GSE1: variants seen among roughly 807,000 people sequenced by gnomAD.
GSE1 encodes the protein genetic suppressor element 1.
In GSE1, 32 loss-of-function variants were observed where a neutral mutation model predicts 112.6. The observed-to-expected ratio is 0.28, with a 90% CI of 0.21 to 0.38. The LOEUF (loss-of-function observed/expected upper bound fraction) is 0.38. GSE1 is among the 10% of genes least tolerant of loss of function. GSE1 has a pLI of 1.00. For missense variants in GSE1, 2,348 were observed against 1,699.2 expected, an observed-to-expected ratio of 1.38 and a Z score of -6.71; for synonymous variants, 1,115 against 735.6, an observed-to-expected ratio of 1.52 and a Z score of -8.35.
Position 85,415,450 on chromosome 16 carries a change from C to T in GSE1, c.2464+57807C>T, listed in dbSNP as rs559062402. On this transcript the variant is annotated intron_variant, in intron 2 of 2. Coordinates refer to the GSE1 transcript ENST00000637419. Reference sequence around the variant, plus strand: ...GCTGAGGGCGTCCTGGGGTTTGCTACGGCAAACTTGCCATCCTAGAGATGC... The same window carrying T: ...GCTGAGGGCGTCCTGGGGTTTGCTATGGCAAACTTGCCATCCTAGAGATGC... Among the ~76,000 whole-genome samples, 39 of 152,334 alleles carry T rather than the reference C, an allele frequency of 2.6e-4. No individual in the cohort carries two copies. The Middle Eastern group carries it at 0.01, about 40-fold the overall frequency.
intron 1 of GSE1, among the ~76,000 whole-genome samples, chr16:85,172,892 C>G (rs1171289795): frequency 2.6e-5 from 4 of 152,218 alleles, no homozygotes; most frequent in Admixed American, 6.5e-5. Flanking sequence ...CCGGGAAGTG[C>G]GCTCTGCCAT....
rs544385146 is a variant in GSE1 at position 85,377,869 on chromosome 16, G to A, written c.2464+20226G>A. Among the ~76,000 whole-genome samples, 45 of 152,316 alleles carry A rather than the reference G, an allele frequency of 3.0e-4. No individual in the cohort carries two copies. The East Asian group carries it at 3.9e-3, about 13-fold the overall frequency. On this transcript the variant is annotated intron_variant, in intron 2 of 2. Coordinates refer to the GSE1 transcript ENST00000637419. ...GGGAGGGCATGGGCCCCCAATCCTCGTCCACACCAGCATCCACCTCCTGGT... is the reference window on the plus strand; with the variant it reads ...GGGAGGGCATGGGCCCCCAATCCTCATCCACACCAGCATCCACCTCCTGGT...
At chr16:85,194,064 C>G (rs1458352855) in intron 1 of GSE1, among the ~76,000 whole-genome samples, 1 of 152,198 alleles carries the variant, frequency 6.6e-6, no homozygotes, top group Admixed American at 6.5e-5. Flanking sequence ...CTTGCCCAGG[C>G]TCATGCGGCC....
intron 2 of GSE1, among the ~76,000 whole-genome samples, chr16:85,517,784 G>A (rs1175660315): frequency 5.3e-5 from 8 of 152,248 alleles, no homozygotes; most frequent in African/African-American, 1.9e-4. Flanking sequence ...CCCCGTGCAC[G>A]GAGCCAGTGT....
chr16:85,498,822 G>C (rs1448348768), intron 2 of GSE1, among the ~76,000 whole-genome samples: 2 of 152,258 alleles, frequency 1.3e-5, no homozygotes, highest in Non-Finnish European at 2.9e-5. Flanking sequence ...TCCAGTTGAA[G>C]GAACAGCTGT....
At chr16:85,251,812 C>T (rs1342524704) in intron 1 of GSE1, among the ~76,000 whole-genome samples, 1 of 152,226 alleles carries the variant, frequency 6.6e-6, no homozygotes. Context: ...GCACCCGGCT[C>T]CTGTCTGCAT....
chr16:85,426,073 G>GGATGGATGGAAGGATGGATGGATGGATA (rs55915425), intron 2 of GSE1, among the ~76,000 whole-genome samples: 6 of 130,950 alleles, frequency 4.6e-5, no homozygotes, highest in African/African-American at 1.5e-4. Context: ...ATGGATGGAT[G>GGATGGATGGAAGGATGGATGGATGGATA]GGTAGATGGA....
intron 1 of GSE1, among the ~76,000 whole-genome samples, chr16:85,272,269 T>C (rs1404267071): frequency 6.6e-6 from 1 of 152,234 alleles, no homozygotes; most frequent in East Asian, 1.9e-4. Flanking sequence ...GCAAGGGCTA[T>C]GCGCGTGGGA....
At chr16:85,620,670 G>A (rs911170296) in intron 1 of GSE1, among the ~76,000 whole-genome samples, 1 of 152,260 alleles carries the variant, frequency 6.6e-6, no homozygotes, top group African/African-American at 2.4e-5. Flanking sequence ...TGGAATGCCT[G>A]GGCTGGCGCC....
At chr16:85,318,816 G>C (rs1293096908) in intron 1 of GSE1, among the ~76,000 whole-genome samples, 1 of 152,204 alleles carries the variant, frequency 6.6e-6, no homozygotes, top group Non-Finnish European at 1.5e-5. Context: ...AGGAGACACA[G>C]GGTCGGGGAG....
At chr16:85,426,681 G>A (rs922351206) in intron 2 of GSE1, among the ~76,000 whole-genome samples, 6 of 133,032 alleles carry the variant, frequency 4.5e-5, no homozygotes, top group Non-Finnish European at 1.0e-4. Flanking sequence ...AAAGAAGAAG[G>A]GAGGATGGGT....
chr16:85,474,789 G>A (rs572895988), intron 2 of GSE1, among the ~76,000 whole-genome samples: 8 of 152,088 alleles, frequency 5.3e-5, no homozygotes, highest in Admixed American at 3.9e-4. Flanking sequence ...CCCCTGGAAG[G>A]GGGAGCCTGG....
At chr16:85,396,169 G>C (rs7200717) in intron 2 of GSE1, among the ~76,000 whole-genome samples, 2 of 152,168 alleles carry the variant, frequency 1.3e-5, no homozygotes, top group Non-Finnish European at 2.9e-5. Flanking sequence ...ACATCAGCAG[G>C]CCCGTCCTTC....
intron 1 of GSE1, among the ~76,000 whole-genome samples, chr16:85,586,447 G>A (rs2046698293): frequency 6.6e-6 from 1 of 152,190 alleles, no homozygotes; most frequent in African/African-American, 2.4e-5. Flanking sequence ...GCCTTCCCAT[G>A]GGCTCAGCCC....
intron 2 of GSE1, among the ~76,000 whole-genome samples, chr16:85,445,307 G>A (rs920718442): frequency 5.3e-5 from 8 of 152,242 alleles, no homozygotes; most frequent in Non-Finnish European, 7.3e-5. Context: ...AGAGGCGAGT[G>A]TGCTGCTACC....
exon 1 of GSE1, chr16:85,169,941 C>G: frequency 1.0e-6 from 1 of 984,598 alleles, no homozygotes; most frequent in Non-Finnish European, 1.2e-6. Context: ...GCGAGTGGAA[C>G]GTCGCCTACG....
At chr16:85,291,206 A>G (rs1280658701) in intron 1 of GSE1, among the ~76,000 whole-genome samples, 1 of 152,222 alleles carries the variant, frequency 6.6e-6, no homozygotes, top group Non-Finnish European at 1.5e-5. Context: ...GCTGGACACC[A>G]GGCTGCAGAT....
chr16:85,478,396 G>C (rs149465644), intron 2 of GSE1, among the ~76,000 whole-genome samples: 6 of 151,886 alleles, frequency 4.0e-5, no homozygotes, highest in Non-Finnish European at 7.4e-5. Flanking sequence ...GTATGGTTGC[G>C]GGCACCTGTA....
intron 1 of GSE1, among the ~76,000 whole-genome samples, chr16:85,262,656 T>C (rs1907825291): frequency 6.6e-6 from 1 of 152,230 alleles, no homozygotes. Flanking sequence ...GATCACAGGG[T>C]TCTGGATTTA....
Sources: gnomAD v4.1 joint callset for allele counts (sites outside exome capture counted in the v4.1 genomes callset) on GRCh38, gnomAD v4.1.1 for gene constraint, MANE v1.5 for transcripts, NCBI Gene and HGNC (gene_info 2026-07-23, HGNC 2026-07-21) for gene names.